The following SMAD9 variants were observed in gnomAD, a reference collection of about 807,000 sequenced individuals.
SMAD9 encodes the protein MAD homolog 9.
A neutral mutation model predicts 46.1 loss-of-function variants in SMAD9; 36 were observed. The ratio of observed to expected loss-of-function variants is 0.78; its 90% CI spans 0.60 to 1.03. The LOEUF (loss-of-function observed/expected upper bound fraction) is 1.03, where lower values mean the gene tolerates loss of function less well. Among genes scored for constraint, SMAD9 ranks in the 50% least tolerant of loss-of-function variants. The pLI is 0.00. For missense variants in SMAD9, 572 were observed against 599.8 expected (o/e 0.95, Z 0.48); for synonymous variants, 245 against 237.1 (o/e 1.03, Z -0.31).
chr13:36,907,201 G>C (rs1389370892), intron 1 of SMAD9, among the ~76,000 whole-genome samples: 1 of 152,138 alleles, frequency 6.6e-6, no homozygotes, highest in Non-Finnish European at 1.5e-5. Context: ...AATTCATAGA[G>C]AAGAAAGTAG....
intron 6 of SMAD9, among the ~76,000 whole-genome samples, 161 bp from the exon 7 acceptor site, chr13:36,848,980 ACT>A (rs1593542259): frequency 1.3e-5 from 2 of 152,114 alleles, no homozygotes; most frequent in Admixed American, 1.3e-4. Context: ...ACACAGGTCA[ACT>A]CTCACACCAA....
chr13:36,914,245 C>G (rs192945653), intron 1 of SMAD9, among the ~76,000 whole-genome samples: 140 of 152,302 alleles, frequency 9.2e-4, no homozygotes, highest in Admixed American at 1.6e-3. Context: ...TCGGGCCAGG[C>G]GCGGTGGATC....
intron 1 of SMAD9, among the ~76,000 whole-genome samples, chr13:36,917,192 T>C (rs2058705087): frequency 6.6e-6 from 1 of 152,152 alleles, no homozygotes; most frequent in Admixed American, 6.5e-5. Context: ...AACAGATATC[T>C]TGAAATCCTA....
intron 1 of SMAD9, among the ~76,000 whole-genome samples, chr13:36,893,279 T>C (rs1373068353): frequency 1.3e-5 from 2 of 151,854 alleles, no homozygotes; most frequent in African/African-American, 4.8e-5. Flanking sequence ...GGAAAAATTC[T>C]ACTTCTTGAA....
At chr13:36,898,354 AG>A (rs1317009684) in intron 1 of SMAD9, among the ~76,000 whole-genome samples, 2 of 152,246 alleles carry the variant, frequency 1.3e-5, no homozygotes, top group Non-Finnish European at 2.9e-5. Flanking sequence ...CATTTAAAGA[AG>A]AAATTATACA....
intron 5 of SMAD9, among the ~76,000 whole-genome samples, chr13:36,860,409 G>A (rs1302407689): frequency 1.3e-5 from 2 of 150,638 alleles, no homozygotes; most frequent in African/African-American, 4.9e-5. Context: ...AGGGTTAATG[G>A]TTATCACTTA....
At chr13:36,862,628 G>A (rs1004853663) in intron 5 of SMAD9, among the ~76,000 whole-genome samples, 7 of 152,142 alleles carry the variant, frequency 4.6e-5, no homozygotes, top group African/African-American at 1.4e-4. Context: ...ATTATCAGTC[G>A]AACAGCCCAT....
At chr13:36,878,893 G>A (rs1430648488) in intron 2 of SMAD9, among the ~76,000 whole-genome samples, 1 of 152,104 alleles carries the variant, frequency 6.6e-6, no homozygotes, top group Non-Finnish European at 1.5e-5. Flanking sequence ...TTAGCCATCT[G>A]CCTCATTTTC....
chr13:36,890,298 T>C (rs1379873943), intron 1 of SMAD9, among the ~76,000 whole-genome samples: 1 of 152,232 alleles, frequency 6.6e-6, no homozygotes, highest in Non-Finnish European at 1.5e-5. Flanking sequence ...CTACATGTTC[T>C]GGAAGGGCAC....
chr13:36,895,019 A>G (rs1454365777), intron 1 of SMAD9, among the ~76,000 whole-genome samples: 2 of 152,122 alleles, frequency 1.3e-5, no homozygotes, highest in African/African-American at 4.8e-5. Context: ...CAAACTGCCT[A>G]TTTACTTAGC....
chr13:36,882,942 T>C (rs2058416216), intron 1 of SMAD9, among the ~76,000 whole-genome samples: 1 of 152,188 alleles, frequency 6.6e-6, no homozygotes, highest in Non-Finnish European at 1.5e-5. Context: ...ACGGCCTGGA[T>C]GGCAGAGACC....
At chr13:36,857,525 T>C (rs1289657349) in intron 5 of SMAD9, among the ~76,000 whole-genome samples, 2 of 152,154 alleles carry the variant, frequency 1.3e-5, no homozygotes, top group Non-Finnish European at 1.5e-5. Context: ...TGTGTTGTGG[T>C]TAATGAGGAC....
intron 1 of SMAD9, among the ~76,000 whole-genome samples, chr13:36,917,393 G>A (rs2058706677): frequency 8.2e-6 from 1 of 122,474 alleles, no homozygotes; most frequent in African/African-American, 3.0e-5. Flanking sequence ...TGCATTTACT[G>A]TTTGCATTTT....
chr13:36,845,070 G>A lies in SMAD9; in HGVS notation c.*3606C>T, dbSNP rs1469683314. 6.6e-6 allele frequency: 1 copy of A among 150,940 alleles called. No individual in the cohort carries two copies. The highest frequency in any genetic ancestry group is 2.4e-5 in the African/African-American group (1 of 40,840). 9.4% of individuals were successfully genotyped at this position (150,940 alleles called of 1,614,324 possible). ...GGGAAAGACAAAATGTGAAATGCATGTTATATTTTGCTTTATTTGTTGAAT... is the reference window on the plus strand; with the variant it reads ...GGGAAAGACAAAATGTGAAATGCATATTATATTTTGCTTTATTTGTTGAAT... On this transcript the variant is annotated 3_prime_UTR_variant, in exon 7 of 7. Coordinates refer to ENST00000379826, the MANE Select transcript of SMAD9 (RefSeq NM_001127217.3).
intron 1 of SMAD9, among the ~76,000 whole-genome samples, chr13:36,909,049 T>G (rs974237110): frequency 2.6e-5 from 4 of 152,252 alleles, no homozygotes; most frequent in Non-Finnish European, 4.4e-5. Flanking sequence ...ACAGTTCTCT[T>G]GGCCACTCGT....
chr13:36,878,242 T>C (rs2058366042), intron 2 of SMAD9, among the ~76,000 whole-genome samples: 1 of 152,158 alleles, frequency 6.6e-6, no homozygotes, highest in Non-Finnish European at 1.5e-5. Context: ...AATCATGCAC[T>C]GTGTAATCAT....
At chr13:36,887,214 C>CTT (rs34299786) in intron 1 of SMAD9, among the ~76,000 whole-genome samples, 16 of 65,592 alleles carry the variant, frequency 2.4e-4, no homozygotes, top group Non-Finnish European at 2.9e-4. Flanking sequence ...CTGACTAGAT[C>CTT]TTTTTTTTTT....
Position 36,883,579 on chromosome 13 carries a change from C to G in SMAD9, c.-186-3704G>C, listed in dbSNP as rs181919208. ...CAGCCTGGACAACATGGTGAAACACCATCTCTACAAAAAATACAAAAGTTA... is the reference window on the plus strand; with the variant it reads ...CAGCCTGGACAACATGGTGAAACACGATCTCTACAAAAAATACAAAAGTTA... On this transcript the variant is annotated intron_variant, in intron 1 of 6. Transcript: ENST00000379826. Among the ~76,000 whole-genome samples the G allele has an allele frequency of 2.0e-3, 306 of 152,196 alleles. 2 individuals are homozygous for G. Among genetic ancestry groups the G allele is most frequent in the African/African-American group, 6.7e-3 (279 of 41,516 alleles).
At position 36,867,922 on chromosome 13, in the gene SMAD9, T is replaced by C. The variant is rs149436427; in HGVS notation, c.671-539A>G. Reference sequence around the variant, plus strand: ...CAGTCCTGTGACTGGACAGTGATCATGGTTAGGCAAATGGGATGCATTCCG... The same window carrying C: ...CAGTCCTGTGACTGGACAGTGATCACGGTTAGGCAAATGGGATGCATTCCG... On this transcript the variant is annotated intron_variant, in intron 3 of 6. Coordinates refer to ENST00000379826, the MANE Select transcript of SMAD9 (RefSeq NM_001127217.3). Among the ~76,000 whole-genome samples the C allele has an allele frequency of 2.8e-4, 42 of 152,286 alleles. No individual in the cohort carries two copies. The East Asian group carries it at 7.3e-3, about 27-fold the overall frequency.
Sources: gnomAD v4.1 joint callset for allele counts (sites outside exome capture counted in the v4.1 genomes callset) on GRCh38, gnomAD v4.1.1 for gene constraint, MANE v1.5 for transcripts, NCBI Gene and HGNC (gene_info 2026-07-23, HGNC 2026-07-21) for gene names.